The following SYT1 variants were observed in gnomAD, a reference collection of about 807,000 sequenced individuals.
The protein encoded by SYT1 is synaptotagmin 1.
Under a neutral mutation model 44.8 loss-of-function variants are expected in SYT1, and 8 were observed. The ratio of observed to expected loss-of-function variants is 0.18; its 90% CI spans 0.10 to 0.32. The LOEUF is 0.32. SYT1 is among the 10% of genes least tolerant of loss of function. SYT1 has a pLI of 1.00. For synonymous variants in SYT1, 154 were observed against 188.8 expected (o/e 0.82, Z 1.51); for missense variants, 286 against 509.3 (o/e 0.56, Z 4.22).
At chr12:78,951,115 A>T (rs938208035) in intron 1 of SYT1, among the ~76,000 whole-genome samples, 4 of 152,116 alleles carry the variant, frequency 2.6e-5, no homozygotes, top group African/African-American at 7.2e-5. Context: ...GTCAAGTCCA[A>T]ACTCTCAGTA....
intron 9 of SYT1, among the ~76,000 whole-genome samples, chr12:79,362,661 G>A (rs575000492): frequency 7.1e-4 from 108 of 151,218 alleles, no homozygotes; most frequent in African/African-American, 2.5e-3. Flanking sequence ...GGACTTTGTG[G>A]TCTGAAAAGG....
At chr12:79,167,554 AT>A (rs1871289905) in intron 3 of SYT1, among the ~76,000 whole-genome samples, 1 of 152,028 alleles carries the variant, frequency 6.6e-6, no homozygotes, top group Non-Finnish European at 1.5e-5. Flanking sequence ...CAGAATAAAT[AT>A]CAAATGACTT....
At chr12:79,111,409 T>C (rs1879002640) in intron 3 of SYT1, among the ~76,000 whole-genome samples, 1 of 152,080 alleles carries the variant, frequency 6.6e-6, no homozygotes, top group Non-Finnish European at 1.5e-5. Context: ...TGCAAGTTGA[T>C]CTCTTCTAGA....
At chr12:78,941,680 T>C (rs1878384590) in intron 1 of SYT1, among the ~76,000 whole-genome samples, 1 of 152,198 alleles carries the variant, frequency 6.6e-6, no homozygotes. Context: ...TTGATTGTTA[T>C]TTCTACAACC....
At chr12:78,992,396 G>C (rs1038476281) in intron 2 of SYT1, among the ~76,000 whole-genome samples, 2 of 152,172 alleles carry the variant, frequency 1.3e-5, no homozygotes, top group African/African-American at 4.8e-5. Flanking sequence ...ACTTTAAATA[G>C]TGCTTCATAA....
At chr12:79,125,451 C>CAAAAAAAAAAAAAAA (rs61296536) in intron 3 of SYT1, among the ~76,000 whole-genome samples, 4 of 99,034 alleles carry the variant, frequency 4.0e-5, no homozygotes, top group African/African-American at 7.7e-5. Flanking sequence ...ACTGTCTCTA[C>CAAAAAAAAAAAAAAA]AAAAAAAAAA....
chr12:79,411,739 G>A (rs536150146), intron 9 of SYT1, among the ~76,000 whole-genome samples: 3 of 152,086 alleles, frequency 2.0e-5, no homozygotes, highest in South Asian at 4.2e-4. Context: ...AATAAGTGCA[G>A]TTAATTTTAT....
At chr12:78,905,683 A>G (rs529706427) in intron 1 of SYT1, among the ~76,000 whole-genome samples, 1 of 152,184 alleles carries the variant, frequency 6.6e-6, no homozygotes, top group East Asian at 1.9e-4. Flanking sequence ...TTCAGTTTCA[A>G]TAAAATAAAC....
intron 3 of SYT1, among the ~76,000 whole-genome samples, chr12:79,172,556 C>T (rs1015140835): frequency 4.0e-5 from 6 of 151,718 alleles, no homozygotes; most frequent in Admixed American, 2.0e-4. Context: ...TGCTTTCTTT[C>T]TTCTATCTTA....
intron 8 of SYT1, among the ~76,000 whole-genome samples, chr12:79,322,071 A>G (rs1012578886): frequency 6.6e-6 from 1 of 152,172 alleles, no homozygotes; most frequent in African/African-American, 2.4e-5. Flanking sequence ...TTCTCAGTAT[A>G]CAGTCTGGTC....
At chr12:79,064,972 G>GAAAGAAAGAA (rs1875706441) in intron 3 of SYT1, among the ~76,000 whole-genome samples, 1 of 148,214 alleles carries the variant, frequency 6.7e-6, no homozygotes, top group South Asian at 2.3e-4. Flanking sequence ...AAGAAAGAAA[G>GAAAGAAAGAA]AAAGAAAGAA....
intron 4 of SYT1, among the ~76,000 whole-genome samples, chr12:79,258,013 G>C (rs1392101191): frequency 1.3e-5 from 2 of 151,946 alleles, no homozygotes; most frequent in African/African-American, 2.4e-5. Flanking sequence ...AAAAGGCAAG[G>C]TTACTAAAAG....
chr12:79,366,409 A>G (rs1298827078), intron 9 of SYT1, among the ~76,000 whole-genome samples: 2 of 152,278 alleles, frequency 1.3e-5, no homozygotes, highest in Non-Finnish European at 2.9e-5. Flanking sequence ...GCCTCCCATC[A>G]GGAATTTAAC....
intron 9 of SYT1, among the ~76,000 whole-genome samples, chr12:79,421,246 T>C (rs1232750453): frequency 1.3e-5 from 2 of 152,176 alleles, no homozygotes; most frequent in Admixed American, 1.3e-4. Flanking sequence ...AATTGATTGC[T>C]ATTTTGAGTT....
At chr12:78,994,922 TG>T (rs1207150567) in intron 2 of SYT1, among the ~76,000 whole-genome samples, 1 of 152,128 alleles carries the variant, frequency 6.6e-6, no homozygotes, top group African/African-American at 2.4e-5. Flanking sequence ...GCTCTCACTT[TG>T]TTTCTCCAAA....
At chr12:78,871,625 G>T (rs1270381160) in intron 1 of SYT1, among the ~76,000 whole-genome samples, 1 of 151,856 alleles carries the variant, frequency 6.6e-6, no homozygotes, top group African/African-American at 2.4e-5. Flanking sequence ...CTCATTAAGG[G>T]ACAGTTGAGC....
At chr12:79,151,850 A>G (rs888701705) in intron 3 of SYT1, among the ~76,000 whole-genome samples, 2 of 152,176 alleles carry the variant, frequency 1.3e-5, no homozygotes, top group Non-Finnish European at 2.9e-5. Context: ...TGACGAGAGA[A>G]GGGAGAAAAT....
At chr12:79,321,743 A>C (rs1443230298) in intron 8 of SYT1, among the ~76,000 whole-genome samples, 1 of 152,198 alleles carries the variant, frequency 6.6e-6, no homozygotes, top group Non-Finnish European at 1.5e-5. Context: ...TTCATGGAAA[A>C]ACTCAGTACA....
At chr12:79,223,533 A>G (rs1375283052) in intron 4 of SYT1, among the ~76,000 whole-genome samples, 1 of 152,200 alleles carries the variant, frequency 6.6e-6, no homozygotes, top group Non-Finnish European at 1.5e-5. Flanking sequence ...TGTGGCCAGC[A>G]TGGCACTTCC....
Sources: allele counts gnomAD v4.1 joint callset (sites outside exome capture counted in the v4.1 genomes callset), GRCh38; gene constraint gnomAD v4.1.1; transcripts MANE v1.5; gene names NCBI Gene and HGNC (gene_info 2026-07-23, HGNC 2026-07-21).